VAV2: variants seen among roughly 807,000 people sequenced by gnomAD.
VAV2 encodes the protein guanine nucleotide exchange factor VAV2.
A neutral mutation model predicts 132.5 loss-of-function variants in VAV2; 67 were observed. The ratio of observed to expected loss-of-function variants is 0.51; its 90% CI spans 0.42 to 0.62. The LOEUF (loss-of-function observed/expected upper bound fraction) is 0.62, where lower values mean the gene tolerates loss of function less well. VAV2 is among the 20% of genes least tolerant of loss of function. VAV2 has a pLI of 0.00. For synonymous variants in VAV2, 492 were observed against 443.5 expected, an observed-to-expected ratio of 1.11 and a Z score of -1.37; for missense variants, 938 against 1,153.6, an observed-to-expected ratio of 0.81 and a Z score of 2.71.
At chr9:133,913,312 G>A (rs1272987294) in intron 2 of VAV2, among the ~76,000 whole-genome samples, 1 of 152,194 alleles carries the variant, frequency 6.6e-6, no homozygotes, top group South Asian at 2.1e-4. Flanking sequence ...AGACACACAC[G>A]AAAGGTAAGA....
At position 133,912,492 on chromosome 9, in the gene VAV2, A is replaced by G. The variant is rs565021537; in HGVS notation, c.321+26611T>C. Reference sequence around the variant, plus strand: ...AACATGTCAGGGTATATCAACACCCATATGTCACTGGTGCTGGGTCCGAGC... The same window carrying G: ...AACATGTCAGGGTATATCAACACCCGTATGTCACTGGTGCTGGGTCCGAGC... On this transcript the variant is annotated intron_variant, in intron 2 of 29. Coordinates refer to ENST00000371850, the MANE Select transcript of VAV2 (RefSeq NM_001134398.2). The surrounding 1 kb of genome is among the most constrained non-coding windows in gnomAD (Gnocchi z 4.3). Among the ~76,000 whole-genome samples, 2 of 152,208 alleles carry G rather than the reference A, an allele frequency of 1.3e-5. No homozygotes were observed. The highest frequency in any genetic ancestry group is 4.2e-4 in the South Asian group (2 of 4,816).
intron 6 of VAV2, 71 bp from the exon 7 acceptor site, chr9:133,809,209 C>T (rs975797714): frequency 5.4e-5 from 73 of 1,342,046 alleles, no homozygotes; most frequent in South Asian, 4.3e-4. Flanking sequence ...ATCTGCACCG[C>T]GACACCCGGA....
chr9:133,966,253 G>A (rs993346741), intron 1 of VAV2, among the ~76,000 whole-genome samples: 3 of 152,250 alleles, frequency 2.0e-5, no homozygotes, highest in Non-Finnish European at 2.9e-5. Flanking sequence ...CCTCAAAAGC[G>A]GACAGAACAA....
At chr9:133,948,811 G>A (rs1001121222) in intron 1 of VAV2, among the ~76,000 whole-genome samples, 2 of 152,202 alleles carry the variant, frequency 1.3e-5, no homozygotes, top group East Asian at 1.9e-4. Flanking sequence ...TCCTGCTAAC[G>A]AGCTGTCACG....
At position 133,992,031 on chromosome 9, in the gene VAV2, CG is replaced by C; in HGVS notation, c.204+43del. The C allele has an allele frequency of 6.9e-7, 1 of 1,447,484 alleles. No individual in the cohort carries two copies. The allele number at this position is 1,447,484 out of a possible 1,614,324, so 89.7% of individuals were successfully genotyped here. A position where few individuals can be genotyped will look rare whatever the true frequency, so the allele number is the denominator to read the frequency against. On this transcript the variant is annotated intron_variant, in intron 1 of 29. Coordinates refer to ENST00000371850, the MANE Select transcript of VAV2 (RefSeq NM_001134398.2). The surrounding 1 kb of genome is among the most constrained non-coding windows in gnomAD (Gnocchi z 5.5). ...CGTTCAGTCCGCGCGTCGGGCAGCG[CG>C]AACGCCGCCTCCCCGGGGCCCTCCC...
Position 133,774,979 on chromosome 9 carries a change from G to C in VAV2, c.2091C>G (p.Ile697Met). 1 of 1,613,568 alleles carries C rather than the reference G, an allele frequency of 6.2e-7. No homozygotes were observed. Among genetic ancestry groups the C allele is most frequent in the South Asian group, 1.1e-5 (1 of 91,082 alleles). Residue 697 changes from isoleucine (I) to methionine (M), a missense_variant, in exon 25 of 30, where the codon ATC becomes ATG. Transcript: ENST00000371850. Reference protein sequence around the residue: ...LKSHASGTYLIRERPAEAERF... With the variant: ...LKSHASGTYLMRERPAEAERF... ...GCTCAGCCTCGGCAGGCCGCTCCCT[G>C]ATCAGGTAGGTCCCGCTGGCGTGGG...
At chr9:133,816,845 T>C (rs1835577995) in intron 4 of VAV2, among the ~76,000 whole-genome samples, 1 of 152,244 alleles carries the variant, frequency 6.6e-6, no homozygotes, top group East Asian at 1.9e-4. Flanking sequence ...CTCTATTCCA[T>C]CCATCTATTT....
intron 2 of VAV2, among the ~76,000 whole-genome samples, chr9:133,907,957 T>C (rs2519992): frequency 0.61 from 61,679 of 101,558 alleles, 17,902 homozygotes; most frequent in East Asian, 0.75. Flanking sequence ...CCCCAGAGAG[T>C]GGAGGGTCTG....
chr9:133,826,931 G>A lies in VAV2; in HGVS notation c.449+7341C>T, dbSNP rs1005620506. On this transcript the variant is annotated intron_variant, in intron 4 of 29. Coordinates refer to ENST00000371850, the MANE Select transcript of VAV2 (RefSeq NM_001134398.2). The surrounding 1 kb of genome is among the most constrained non-coding windows in gnomAD (Gnocchi z 4.2). ...TGTCCTCGCAAGACGCACTCATCAC[G>A]GCGCTCTGTGGCACCCAATCCGGGT... Among the ~76,000 whole-genome samples the A allele has an allele frequency of 2.0e-5, 3 of 152,092 alleles. No individual in the cohort carries two copies. Among genetic ancestry groups the A allele is most frequent in the African/African-American group, 4.8e-5 (2 of 41,386 alleles).
At chr9:133,844,492 C>A (rs1361938054) in intron 3 of VAV2, among the ~76,000 whole-genome samples, 1 of 152,248 alleles carries the variant, frequency 6.6e-6, no homozygotes, top group Non-Finnish European at 1.5e-5. Flanking sequence ...TTGCGGCCCA[C>A]AGGCCAGCAG....
chr9:133,929,974 A>G (rs1208404006), intron 2 of VAV2, among the ~76,000 whole-genome samples: 1 of 152,214 alleles, frequency 6.6e-6, no homozygotes, highest in Non-Finnish European at 1.5e-5. Context: ...ATAAAAGTGG[A>G]GCTATTCCGA....
At chr9:133,779,708 T>C (rs1833938553) in intron 21 of VAV2, among the ~76,000 whole-genome samples, 2 of 152,114 alleles carry the variant, frequency 1.3e-5, no homozygotes, top group Non-Finnish European at 2.9e-5. Flanking sequence ...TACAGCCTGG[T>C]GCTGCCTTAT....
rs1284904543 is a variant in VAV2, at chr9:133,768,534, T to G, written c.2497A>C (p.Arg833=). The G allele has an allele frequency of 6.2e-7, 1 of 1,613,916 alleles. No individual in the cohort carries two copies. Among genetic ancestry groups the G allele is most frequent in the Non-Finnish European group, 8.5e-7 (1 of 1,179,976 alleles). ...ARYNFAARDM[R]ELSLREGDVV... is the part of the protein sequence containing the mutation. ...TCACCCTCCCGCAGCGAAAGCTCCC[T>G]CATATCTCGGGCGGCAAAGTTATAC... Residue 833 remains arginine (R), a synonymous_variant, in exon 29 of 30, where the codon AGG becomes CGG. Transcript: ENST00000371850. This position sits in a 1 kb window ranked among gnomAD's most constrained non-coding sequence, Gnocchi z 5.3.
chr9:133,859,157 A>G (rs1371684634), intron 3 of VAV2, among the ~76,000 whole-genome samples: 1 of 152,120 alleles, frequency 6.6e-6, no homozygotes. Flanking sequence ...CCATTCATCA[A>G]TCAGCAGGAC....
chr9:133,867,934 C>T (rs1490766628), intron 2 of VAV2, among the ~76,000 whole-genome samples: 2 of 152,228 alleles, frequency 1.3e-5, no homozygotes, highest in South Asian at 4.1e-4. Context: ...ACTCCTCCCA[C>T]ACCGCCTACA....
intron 1 of VAV2, among the ~76,000 whole-genome samples, chr9:133,954,613 A>C (rs968492782): frequency 3.9e-5 from 6 of 152,244 alleles, no homozygotes; most frequent in African/African-American, 1.4e-4. Context: ...CATGTGCCAC[A>C]CACCTGTGGG....
rs1835858562 is a variant in VAV2 at position 133,823,114 on chromosome 9, C to T, written c.450-10898G>A. Among the ~76,000 whole-genome samples, 1 of 152,208 alleles carries T rather than the reference C, an allele frequency of 6.6e-6. No individual in the cohort carries two copies. Among genetic ancestry groups the T allele is most frequent in the Admixed American group, 6.5e-5 (1 of 15,288 alleles). On this transcript the variant is annotated intron_variant, in intron 4 of 29. Coordinates refer to ENST00000371850, the MANE Select transcript of VAV2 (RefSeq NM_001134398.2). The surrounding 1 kb of genome is among the most constrained non-coding windows in gnomAD (Gnocchi z 5.5). ...CTCCAGTATGGGAATCGTGAATGCTCTCGGGACCTCATTATCCCCAGCCCT... is the reference window on the plus strand; with the variant it reads ...CTCCAGTATGGGAATCGTGAATGCTTTCGGGACCTCATTATCCCCAGCCCT...
At position 133,939,190 on chromosome 9, in the gene VAV2, G is replaced by A. The variant is rs1841039553; in HGVS notation, c.234C>T (p.Phe78=). ...QFLCLKNIRT[F]LKVCHDKFGL... Reference sequence around the variant, plus strand: ...CAAATTTATCGTGGCAGACTTTCAGGAAGGTGCGTATGTTCTTCAAACACA... The same window carrying A: ...CAAATTTATCGTGGCAGACTTTCAGAAAGGTGCGTATGTTCTTCAAACACA... The change falls in exon 2 of 30, where the codon TTC becomes TTT. Residue 78 remains phenylalanine, a synonymous_variant. Coordinates refer to ENST00000371850, the MANE Select transcript of VAV2 (RefSeq NM_001134398.2). 6.2e-7 allele frequency: 1 copy of A among 1,614,252 alleles called. No individual in the cohort carries two copies. Among genetic ancestry groups the A allele is most frequent in the African/African-American group, 1.3e-5 (1 of 75,062 alleles).
At chr9:133,951,207 G>A (rs1368357865) in intron 1 of VAV2, among the ~76,000 whole-genome samples, 1 of 152,244 alleles carries the variant, frequency 6.6e-6, no homozygotes, top group Non-Finnish European at 1.5e-5. Flanking sequence ...CAAGGTGGGA[G>A]GCGGCCTCTT....
Sources: allele counts gnomAD v4.1 joint callset (sites outside exome capture counted in the v4.1 genomes callset), GRCh38; gene constraint gnomAD v4.1.1; non-coding constraint Gnocchi (gnomAD v3.1); transcripts MANE v1.5; gene names NCBI Gene and HGNC (gene_info 2026-07-23, HGNC 2026-07-21).